Variants in AMPD3 observed in about 807,000 individuals in gnomAD.
AMPD3 encodes the protein AMP deaminase 3.
Under a neutral mutation model 82.3 loss-of-function variants are expected in AMPD3, and 57 were observed. The ratio of observed to expected loss-of-function variants is 0.69; its 90% confidence interval spans 0.56 to 0.86. AMPD3 has a LOEUF of 0.86. Ranked by LOEUF, AMPD3 falls within the 40% of genes least tolerant of loss-of-function variation. The probability of loss-of-function intolerance (pLI) is 0.00; values close to 1 mark genes in which losing one functional copy is unlikely to be tolerated. For synonymous variants in AMPD3, 381 were observed against 394.7 expected (o/e 0.97, Z 0.41); for missense variants, 870 against 1,003.8 (o/e 0.87, Z 1.80).
At chr11:10,455,051 C>T (rs761709126), upstream of AMPD3, 23 of 686,448 alleles carry the variant, frequency 3.4e-5, no homozygotes, top group Non-Finnish European at 4.1e-5. Context: ...CTCAGTAAGA[C>T]ACAACCTCAC....
chr11:10,491,358 A>G (rs1284995724), intron 6 of AMPD3, among the ~76,000 whole-genome samples: 1 of 152,166 alleles, frequency 6.6e-6, no homozygotes, highest in Admixed American at 6.5e-5. Flanking sequence ...CACAGTGAAA[A>G]GGCAGACTGG....
At chr11:10,486,730 T>G (rs1849081801) in intron 5 of AMPD3, 2 of 985,242 alleles carry the variant, frequency 2.0e-6, no homozygotes, top group Non-Finnish European at 2.4e-6. Context: ...CCTTATAGTT[T>G]GACTGTGTTA....
intron 2 of AMPD3, chr11:10,477,225 G>C (rs1264514412): frequency 2.0e-6 from 1 of 512,428 alleles, no homozygotes; most frequent in African/African-American, 2.1e-5. Context: ...ACCTGGAGAG[G>C]AGGAGGGCTC....
intron 11 of AMPD3, chr11:10,500,971 GA>G: frequency 1.0e-6 from 1 of 985,430 alleles, no homozygotes; most frequent in Non-Finnish European, 1.2e-6. Flanking sequence ...ATGGGGTCCT[GA>G]TTGAAAGAAA....
chr11:10,500,283 T>C (rs1265346784), intron 11 of AMPD3, 34 bp downstream of exon 11: 1 of 1,611,720 alleles, frequency 6.2e-7, no homozygotes. Flanking sequence ...ATGCTTGGGT[T>C]CATGTGTTAG....
chr11:10,487,022 C>T, intron 5 of AMPD3: 1 of 983,772 alleles, frequency 1.0e-6, no homozygotes, highest in Non-Finnish European at 1.2e-6. Flanking sequence ...TGGCCTGCTA[C>T]TGCCCCATCT....
At chr11:10,493,750 C>G in intron 7 of AMPD3, 1 of 670,930 alleles carries the variant, frequency 1.5e-6, no homozygotes, top group Non-Finnish European at 2.7e-6. Context: ...GGCTTGGGGC[C>G]TGACAGGTCT....
rs372907597 is a variant in AMPD3, at chr11:10,478,661, G to A, written c.357G>A (p.Leu119=). 18 of 1,614,058 alleles carry A rather than the reference G, an allele frequency of 1.1e-5. No individual in the cohort carries two copies. In the African/African-American group the frequency reaches 2.4e-4, roughly 22 times the overall value. The change falls in exon 3 of 15, where the codon CTG becomes CTA. Residue 119 remains leucine (L), a synonymous_variant. Coordinates refer to ENST00000396553, the MANE Select transcript of AMPD3 (RefSeq NM_001025389.2). The part of the protein sequence containing the change: ...TTPVVTGATS[L]PTPAPYAMPE... The stretch of plus-strand genomic sequence containing the variant: ...CTGTGGTCACTGGAGCCACTTCCCT[G>A]CCCACGCCAGCACCCTATGCCATGC...
At chr11:10,476,289 C>G (rs1848733240) in intron 2 of AMPD3, among the ~76,000 whole-genome samples, 2 of 152,136 alleles carry the variant, frequency 1.3e-5, no homozygotes, top group South Asian at 4.1e-4. Flanking sequence ...TCATATGTGA[C>G]AATCTGGAGC....
At chr11:10,481,986 T>C (rs1041259879) in intron 3 of AMPD3, 77 bp from the exon 4 acceptor site, 44 of 1,595,260 alleles carry the variant, frequency 2.8e-5, no homozygotes, top group Admixed American at 1.0e-4. Context: ...AGGGCCAATC[T>C]TGCAAGCACA....
upstream of AMPD3, chr11:10,450,979 C>G: frequency 1.3e-6 from 2 of 1,555,392 alleles, no homozygotes; most frequent in Non-Finnish European, 1.7e-6. Context: ...CCCAGCGCGT[C>G]CCCTTTGCTC....
At chr11:10,500,045 G>C (rs777011148) in intron 10 of AMPD3, 41 bp from the exon 11 acceptor site, 1 of 1,613,514 alleles carries the variant, frequency 6.2e-7, no homozygotes, top group Non-Finnish European at 8.5e-7. Flanking sequence ...GCTGAGTCCT[G>C]GTCCTGCCTT....
intron 12 of AMPD3, chr11:10,501,800 C>A: frequency 1.0e-6 from 1 of 984,488 alleles, no homozygotes; most frequent in African/African-American, 1.7e-5. Flanking sequence ...AAAAAGCCAG[C>A]CCTTATGCTA....
At chr11:10,458,830 A>T (rs868450956) in intron 1 of AMPD3, among the ~76,000 whole-genome samples, 1 of 152,160 alleles carries the variant, frequency 6.6e-6, no homozygotes, top group Non-Finnish European at 1.5e-5. Context: ...GTCAAATGGT[A>T]TGGTGCTTTA....
At position 10,462,706 on chromosome 11, in the gene AMPD3, G is replaced by A. The variant is rs116133243; in HGVS notation, c.221+966G>A. The stretch of plus-strand genomic sequence containing the variant: ...CAAGTGCTATGAAAGAGATGAATAA[G>A]GATGAGATGGGGTTAGGGGAGAGAA... On this transcript the variant is annotated intron_variant, in intron 2 of 14. Transcript: ENST00000396553. Among the ~76,000 whole-genome samples, 1,268 of 152,268 alleles carry A rather than the reference G, an allele frequency of 8.3e-3. 15 individuals carry two copies. The highest frequency in any genetic ancestry group is 0.029 in the African/African-American group (1,196 of 41,546).
rs756605421 is a variant in AMPD3, at chr11:10,493,378, C to T, written c.969C>T (p.Cys323=). ...KVDTHIHAAA[C]MNQKHLLRFI... is the part of the protein sequence containing the mutation. ...ACACACACATCCATGCGGCCGCCTG[C>T]ATGAACCAAAAGCATCTGCTGCGCT... is the stretch of plus-strand genomic sequence containing the variant. Residue 323 remains cysteine, a synonymous_variant, in exon 7 of 15, where the codon TGC becomes TGT. Transcript: ENST00000396553. 7 of 1,614,202 alleles carry T rather than the reference C, an allele frequency of 4.3e-6. No homozygotes were observed. The highest frequency in any genetic ancestry group is 1.6e-4 in the Middle Eastern group (1 of 6,062).
intron 8 of AMPD3, 65 bp downstream of exon 8, chr11:10,495,095 G>A: frequency 6.2e-7 from 1 of 1,612,986 alleles, no homozygotes; most frequent in Non-Finnish European, 8.5e-7. Context: ...TTCAGAGAGT[G>A]GGGGCCCTGT....
At chr11:10,461,054 GT>G (rs1699889981) in intron 1 of AMPD3, 4 of 1,164,546 alleles carry the variant, frequency 3.4e-6, no homozygotes, top group Non-Finnish European at 4.3e-6. Context: ...GGGCTCTGCT[GT>G]AATCTTGTGC....
intron 5 of AMPD3, 118 bp downstream of exon 5, chr11:10,485,157 G>A (rs1433150787): frequency 3.0e-6 from 3 of 991,014 alleles, no homozygotes; most frequent in African/African-American, 3.2e-5. Flanking sequence ...ATCCCAGAAA[G>A]AGCGCGGTTT....
Sources: gnomAD v4.1 joint callset for allele counts (sites outside exome capture counted in the v4.1 genomes callset) on GRCh38, gnomAD v4.1.1 for gene constraint, MANE v1.5 for transcripts, NCBI Gene and HGNC (gene_info 2026-07-23, HGNC 2026-07-21) for gene names.